Variants in CDH18 observed in about 807,000 individuals in gnomAD.
The protein encoded by CDH18 is cadherin 18.
In CDH18, 31 loss-of-function variants were observed where a neutral mutation model predicts 67.9. The ratio of observed to expected loss-of-function variants is 0.46; its 90% CI spans 0.34 to 0.62. The LOEUF is 0.62. Among genes scored for constraint, CDH18 ranks in the 20% least tolerant of loss-of-function variants. The probability of loss-of-function intolerance (pLI) is 0.01; values close to 1 mark genes in which losing one functional copy is unlikely to be tolerated. For synonymous variants in CDH18, 362 were observed against 347.2 expected, an observed-to-expected ratio of 1.04 and a Z score of -0.48; for missense variants, 890 against 975.5, an observed-to-expected ratio of 0.91 and a Z score of 1.17.
intron 1 of CDH18, among the ~76,000 whole-genome samples, chr5:20,521,184 G>A (rs1755719612): frequency 6.6e-6 from 1 of 152,158 alleles, no homozygotes; most frequent in African/African-American, 2.4e-5. Flanking sequence ...GGTGTGAGGT[G>A]TCAATCAATG....
At chr5:20,450,893 C>A (rs984105079) in intron 1 of CDH18, among the ~76,000 whole-genome samples, 2 of 152,124 alleles carry the variant, frequency 1.3e-5, no homozygotes, top group Admixed American at 6.5e-5. Context: ...AAATGCCGAG[C>A]AAAGTCACGT....
chr5:20,567,843 A>G (rs547832605), intron 1 of CDH18, among the ~76,000 whole-genome samples: 1 of 152,206 alleles, frequency 6.6e-6, no homozygotes. Flanking sequence ...TAGATGGAGA[A>G]TGCCTAATCG....
intron 1 of CDH18, among the ~76,000 whole-genome samples, chr5:20,449,278 A>G (rs1460260842): frequency 1.3e-5 from 2 of 152,108 alleles, no homozygotes; most frequent in African/African-American, 4.8e-5. Context: ...GAAGTTAGTG[A>G]TATTAGGGTT....
intron 8 of CDH18, among the ~76,000 whole-genome samples, chr5:19,551,008 T>C (rs1737338699): frequency 6.6e-6 from 1 of 152,180 alleles, no homozygotes; most frequent in African/African-American, 2.4e-5. Flanking sequence ...GTATAGCAAA[T>C]GAAAGAATAT....
At chr5:19,648,929 C>A (rs1459398746) in intron 5 of CDH18, among the ~76,000 whole-genome samples, 5 of 151,502 alleles carry the variant, frequency 3.3e-5, no homozygotes, top group Admixed American at 2.6e-4. Context: ...GTTGTATATT[C>A]TTGATAGGCT....
At chr5:20,476,256 G>A (rs1028905328) in intron 1 of CDH18, among the ~76,000 whole-genome samples, 8 of 151,434 alleles carry the variant, frequency 5.3e-5, no homozygotes, top group African/African-American at 1.9e-4. Flanking sequence ...CTAATCTACA[G>A]TTTTGCTGAG....
intron 2 of CDH18, among the ~76,000 whole-genome samples, chr5:19,915,123 A>T (rs954474414): frequency 1.3e-5 from 2 of 152,266 alleles, no homozygotes; most frequent in African/African-American, 4.8e-5. Context: ...GAAATATATT[A>T]AAAATGGCAT....
At chr5:20,396,172 A>C (rs2150122774) in intron 1 of CDH18, among the ~76,000 whole-genome samples, 1 of 152,284 alleles carries the variant, frequency 6.6e-6, no homozygotes, top group South Asian at 2.1e-4. Flanking sequence ...ATTGGCATCT[A>C]TAGTGGGAGA....
At chr5:20,547,726 A>G (rs1581183367) in intron 1 of CDH18, among the ~76,000 whole-genome samples, 1 of 152,180 alleles carries the variant, frequency 6.6e-6, no homozygotes, top group Non-Finnish European at 1.5e-5. Context: ...GTAAAATATG[A>G]TAATGCCTGC....
intron 2 of CDH18, among the ~76,000 whole-genome samples, chr5:19,974,428 G>A (rs1022684193): frequency 6.6e-6 from 1 of 150,450 alleles, no homozygotes; most frequent in Non-Finnish European, 1.5e-5. Context: ...CTACTTGGGA[G>A]GCTGAGGCAG....
rs1203115633 is a variant in CDH18 at position 19,849,584 on chromosome 5, A to ACATATATATATAAACATATATATACACG, written c.-256-10370_-256-10343dup. 3.0e-4 allele frequency among the ~76,000 whole-genome samples: 42 copies of ACATATATATATAAACATATATATACACG among 139,724 alleles called. 1 individual carries two copies. Among genetic ancestry groups the ACATATATATATAAACATATATATACACG allele is most frequent in the African/African-American group, 8.9e-4 (35 of 39,266 alleles). 91.7% of individuals were successfully genotyped at this position (139,724 alleles called of 152,430 possible). On this transcript the variant is annotated intron_variant, in intron 2 of 12. Coordinates refer to ENST00000382275, the MANE Select transcript of CDH18 (RefSeq NM_004934.5). ...TGAAGTATACAAATTAGCATTTCAA[A>ACATATATATATAAACATATATATACACG]CATATATATATAAACATATATATAC...
chr5:20,003,760 T>C (rs1286325963), intron 2 of CDH18, among the ~76,000 whole-genome samples: 1 of 151,830 alleles, frequency 6.6e-6, no homozygotes, highest in African/African-American at 2.4e-5. Context: ...TAGCCGGGCG[T>C]GGTGGCGGGC....
chr5:20,539,215 A>G (rs1038032712), intron 1 of CDH18, among the ~76,000 whole-genome samples: 1 of 152,062 alleles, frequency 6.6e-6, no homozygotes, highest in Non-Finnish European at 1.5e-5. Context: ...TCAGTGTCCT[A>G]TGTCACAGGG....
intron 1 of CDH18, among the ~76,000 whole-genome samples, chr5:20,521,515 G>A (rs1483600785): frequency 6.6e-6 from 1 of 152,080 alleles, no homozygotes; most frequent in Non-Finnish European, 1.5e-5. Flanking sequence ...GTTTAAATGA[G>A]TACACAAGAG....
intron 1 of CDH18, among the ~76,000 whole-genome samples, chr5:20,440,661 A>G (rs1561004370): frequency 6.6e-6 from 1 of 152,016 alleles, no homozygotes; most frequent in South Asian, 2.1e-4. Context: ...TTTATCTCCA[A>G]TAATACTCTG....
intron 5 of CDH18, among the ~76,000 whole-genome samples, chr5:19,665,763 A>G (rs1757827522): frequency 6.6e-6 from 1 of 152,084 alleles, no homozygotes; most frequent in Admixed American, 6.6e-5. Flanking sequence ...GACCTACGAG[A>G]GAAGTGTGTT....
intron 1 of CDH18, among the ~76,000 whole-genome samples, chr5:20,539,867 G>C (rs980633417): frequency 1.3e-5 from 2 of 152,028 alleles, no homozygotes; most frequent in African/African-American, 4.8e-5. Context: ...CTGTATTGGA[G>C]ATTTAACTCA....
intron 1 of CDH18, among the ~76,000 whole-genome samples, chr5:20,509,766 C>T (rs889101562): frequency 5.9e-5 from 9 of 152,136 alleles, no homozygotes; most frequent in African/African-American, 2.2e-4. Flanking sequence ...TGTATATATA[C>T]CACATTTTAT....
At chr5:19,760,720 C>T (rs1377469013) in intron 3 of CDH18, among the ~76,000 whole-genome samples, 3 of 152,202 alleles carry the variant, frequency 2.0e-5, no homozygotes, top group African/African-American at 2.4e-5. Flanking sequence ...TCATGTGTCA[C>T]AATCTCAACC....
Sources: allele counts gnomAD v4.1 joint callset (sites outside exome capture counted in the v4.1 genomes callset), GRCh38; gene constraint gnomAD v4.1.1; transcripts MANE v1.5; gene names NCBI Gene and HGNC (gene_info 2026-07-23, HGNC 2026-07-21).